The following EEFSEC variants were observed in gnomAD, a reference collection of about 807,000 sequenced individuals.
EEFSEC encodes the protein selenocysteine-specific elongation factor.
In EEFSEC, 43 loss-of-function variants were observed where a neutral mutation model predicts 42.1. The observed-to-expected ratio is 1.02, with a 90% CI of 0.80 to 1.32. The LOEUF (loss-of-function observed/expected upper bound fraction) is 1.32. Among genes scored for constraint, EEFSEC ranks in the 40% most tolerant of loss-of-function variants. The pLI is 0.00. For synonymous variants in EEFSEC, 354 were observed against 339.1 expected (o/e 1.04, Z -0.48); for missense variants, 745 against 803.6 (o/e 0.93, Z 0.88).
chr3:128,407,506 T>A (rs952180852), intron 6 of EEFSEC, among the ~76,000 whole-genome samples: 4 of 151,912 alleles, frequency 2.6e-5, no homozygotes, highest in Admixed American at 2.0e-4. Context: ...GGCAGCTGGG[T>A]ATGCAGCCTG....
At chr3:128,424,870 T>C in the EEFSEC span, among the ~76,000 whole-genome samples, 4 of 151,858 alleles carry the variant, frequency 2.6e-5, no homozygotes, top group Admixed American at 6.6e-5. Flanking sequence ...ACTCCTCTCA[T>C]CTTCTGTGGG....
At chr3:128,401,723 C>G (rs2068049999) in intron 6 of EEFSEC, among the ~76,000 whole-genome samples, 1 of 152,142 alleles carries the variant, frequency 6.6e-6, no homozygotes, top group African/African-American at 2.4e-5. Context: ...CTAGAGCAAT[C>G]CTTGGGATAG....
At chr3:128,303,156 G>A (rs1005812540) in intron 4 of EEFSEC, among the ~76,000 whole-genome samples, 2 of 151,876 alleles carry the variant, frequency 1.3e-5, no homozygotes, top group East Asian at 1.9e-4. Flanking sequence ...TTGTAGAGAC[G>A]GAGGTCTCAC....
chr3:128,372,505 A>G (rs185146390), intron 6 of EEFSEC, among the ~76,000 whole-genome samples: 1 of 152,264 alleles, frequency 6.6e-6, no homozygotes, highest in East Asian at 1.9e-4. Context: ...CTTGGTCATC[A>G]CAGTCACTAG....
chr3:128,341,769 G>A lies in EEFSEC; in HGVS notation c.1323G>A (p.Thr441=), dbSNP rs143447496. The change falls in exon 5 of 7, where the codon ACG becomes ACA. Residue 441 remains threonine (T), a synonymous_variant. Coordinates refer to ENST00000254730, the MANE Select transcript of EEFSEC (RefSeq NM_021937.5). ...TAGATGCGGACATTCACACCAACAC[G>A]TGCCGGCTAGCCTTCCATGGCATCC... The part of the protein sequence containing the change: ...SRLDADIHTN[T]CRLAFHGILL... 4.3e-5 allele frequency: 69 copies of A among 1,614,016 alleles called. No homozygotes were observed. The Middle Eastern group carries it at 4.9e-4, about 12-fold the overall frequency.
chr3:128,214,464 A>T (rs995298023), intron 1 of EEFSEC, among the ~76,000 whole-genome samples: 3 of 152,186 alleles, frequency 2.0e-5, no homozygotes, highest in African/African-American at 7.2e-5. Context: ...TTGTATTATA[A>T]TTTGATAAGA....
intron 5 of EEFSEC, among the ~76,000 whole-genome samples, chr3:128,354,488 G>A (rs2067428251): frequency 6.6e-6 from 1 of 152,192 alleles, no homozygotes; most frequent in Non-Finnish European, 1.5e-5. Context: ...GGATTCCAGG[G>A]GCCAACCAGC....
intron 1 of EEFSEC, among the ~76,000 whole-genome samples, chr3:128,205,589 C>T (rs918277236): frequency 3.3e-5 from 5 of 152,236 alleles, no homozygotes; most frequent in Non-Finnish European, 5.9e-5. Flanking sequence ...AAGAATCCTT[C>T]GCCCTGTGTA....
chr3:128,298,198 C>A (rs914361738), intron 4 of EEFSEC, among the ~76,000 whole-genome samples: 2 of 152,208 alleles, frequency 1.3e-5, no homozygotes, highest in Admixed American at 1.3e-4. Context: ...GGGTCTCTGT[C>A]ACTCATGCTG....
chr3:128,390,078 G>A (rs777189927), intron 6 of EEFSEC, among the ~76,000 whole-genome samples: 7 of 152,200 alleles, frequency 4.6e-5, no homozygotes, highest in Admixed American at 2.6e-4. Flanking sequence ...AATTTTTCTC[G>A]TATCATCACA....
At chr3:128,362,184 C>A (rs768576636) in intron 6 of EEFSEC, 3 of 522,062 alleles carry the variant, frequency 5.7e-6, no homozygotes, top group South Asian at 4.3e-5. Flanking sequence ...CCGCTGCCAC[C>A]CTCCCCTCTG....
intron 1 of EEFSEC, among the ~76,000 whole-genome samples, chr3:128,209,560 T>C (rs1479797522): frequency 6.6e-6 from 1 of 152,252 alleles, no homozygotes; most frequent in Non-Finnish European, 1.5e-5. Flanking sequence ...CTCAATGCCA[T>C]ATATATTCTG....
chr3:128,224,191 A>G (rs1050600695), intron 1 of EEFSEC, among the ~76,000 whole-genome samples: 3 of 152,216 alleles, frequency 2.0e-5, no homozygotes, highest in Admixed American at 6.5e-5. Flanking sequence ...GAAATGAAGC[A>G]CCACTCTGTG....
intron 1 of EEFSEC, among the ~76,000 whole-genome samples, chr3:128,175,384 C>G (rs1372656299): frequency 1.3e-5 from 2 of 152,238 alleles, no homozygotes; most frequent in African/African-American, 4.8e-5. Flanking sequence ...TGTAAAGCAG[C>G]TGTGACACCA....
At chr3:128,318,204 G>A (rs2066969155) in intron 4 of EEFSEC, among the ~76,000 whole-genome samples, 1 of 152,262 alleles carries the variant, frequency 6.6e-6, no homozygotes, top group South Asian at 2.1e-4. Flanking sequence ...GGCAAGGGGG[G>A]TTAGAAAGGG....
chr3:128,157,495 A>C (rs572779771), intron 1 of EEFSEC, among the ~76,000 whole-genome samples: 1 of 152,234 alleles, frequency 6.6e-6, no homozygotes, highest in Non-Finnish European at 1.5e-5. Flanking sequence ...CAAAGCTTCA[A>C]AGGACAGGCT....
rs765417719 is a variant in EEFSEC at position 128,408,176 on chromosome 3, G to A, written c.1708G>A (p.Glu570Lys). 3.7e-5 allele frequency: 60 copies of A among 1,612,774 alleles called. No individual in the cohort carries two copies. Among genetic ancestry groups the A allele is most frequent in the Non-Finnish European group, 4.7e-5 (55 of 1,179,434 alleles). ...TRQEESAERS[E>K]PSQHVVLSLT... ...GCAGGAGGAGAGCGCCGAGCGGAGCGAGCCCTCACAGCATGTGGTGCTCAG... is the reference window on the plus strand; with the variant it reads ...GCAGGAGGAGAGCGCCGAGCGGAGCAAGCCCTCACAGCATGTGGTGCTCAG... Residue 570 changes from glutamate (E) to lysine (K), a missense_variant, in exon 7 of 7, where the codon GAG (glutamate) becomes AAG (lysine). Coordinates refer to ENST00000254730, the MANE Select transcript of EEFSEC (RefSeq NM_021937.5).
chr3:128,165,282 A>G (rs2065232679), intron 1 of EEFSEC, among the ~76,000 whole-genome samples: 2 of 152,240 alleles, frequency 1.3e-5, no homozygotes, highest in African/African-American at 2.4e-5. Context: ...TTTGCCCAGA[A>G]GCTGCTCTCA....
At chr3:128,290,412 T>C (rs563669160) in intron 4 of EEFSEC, among the ~76,000 whole-genome samples, 2 of 152,346 alleles carry the variant, frequency 1.3e-5, no homozygotes, top group South Asian at 4.1e-4. Context: ...GTGGGTCTAC[T>C]TCTGTGCCAG....
Sources: gnomAD v4.1 joint callset for allele counts (sites outside exome capture counted in the v4.1 genomes callset) on GRCh38, gnomAD v4.1.1 for gene constraint, MANE v1.5 for transcripts, NCBI Gene and HGNC (gene_info 2026-07-23, HGNC 2026-07-21) for gene names.